The following FUBP3 variants were observed in gnomAD, a reference collection of about 807,000 sequenced individuals.
The protein encoded by FUBP3 is far upstream element-binding protein 3.
FUBP3 carries 28 observed loss-of-function variants against 85.6 expected under a neutral mutation model. That is an observed-to-expected ratio of 0.33 (90% CI 0.24 to 0.45). The LOEUF is 0.45. Among genes scored for constraint, FUBP3 ranks in the 20% least tolerant of loss-of-function variants. The pLI is 1.00. For synonymous variants in FUBP3, 271 were observed against 271.4 expected, an observed-to-expected ratio of 1.00 and a Z score of 0.01; for missense variants, 583 against 755.1, an observed-to-expected ratio of 0.77 and a Z score of 2.67.
At position 130,620,347 on chromosome 9, in the gene FUBP3, T is replaced by C. The variant is rs750141979; in HGVS notation, c.667-7T>C. On this transcript the variant is annotated splice_polypyrimidine_tract_variant and splice_region_variant and intron_variant, in intron 8 of 18. Transcript: ENST00000319725. The stretch of plus-strand genomic sequence containing the variant: ...TCTCATAATGCTTTTTGTTTGTGTT[T>C]ATGCAGCAAGCAAGAGAAATGGTAC... 29 of 1,522,230 alleles carry C rather than the reference T, an allele frequency of 1.9e-5. No individual in the cohort carries two copies. In the Admixed American group the frequency reaches 4.9e-4, roughly 26 times the overall value. The allele number at this position is 1,522,230 out of a possible 1,614,324, so 94.3% of individuals were successfully genotyped here. A position where few individuals can be genotyped will look rare whatever the true frequency, so the allele number is the denominator to read the frequency against.
Position 130,579,600 on chromosome 9 carries a change from G to A in FUBP3, c.-81G>A. ...TCCTTTTCCGGCTACGGGTCCCCAA[G>A]CGGAGCGGGAGGCCGGACCGGGGAG... is the stretch of plus-strand genomic sequence containing the variant. On this transcript the variant is annotated 5_prime_UTR_variant, in exon 1 of 19. Transcript: ENST00000319725. 1.1e-6 allele frequency: 1 copy of A among 888,400 alleles called. No individual in the cohort carries two copies. Among genetic ancestry groups the A allele is most frequent in the East Asian group, 3.5e-5 (1 of 28,860 alleles). The allele number at this position is 888,400 out of a possible 1,614,324, so 55.0% of individuals were successfully genotyped here.
At chr9:130,603,621 G>A (rs572124606) in intron 2 of FUBP3, among the ~76,000 whole-genome samples, 1 of 152,194 alleles carries the variant, frequency 6.6e-6, no homozygotes, top group Non-Finnish European at 1.5e-5. Flanking sequence ...TGGACAGTTG[G>A]CTTAGCCAGC....
chr9:130,586,901 C>CA (rs1409148219), intron 1 of FUBP3, among the ~76,000 whole-genome samples: 6 of 151,962 alleles, frequency 3.9e-5, no homozygotes, highest in African/African-American at 1.2e-4. Flanking sequence ...AGGTGCCTGC[C>CA]ACCACACCTG....
intron 2 of FUBP3, among the ~76,000 whole-genome samples, chr9:130,603,997 C>T (rs1831297232): frequency 6.6e-6 from 1 of 152,186 alleles, no homozygotes; most frequent in Non-Finnish European, 1.5e-5. Context: ...ACGTGTCCTT[C>T]AACTGATGAA....
At chr9:130,593,956 G>A (rs1204128107) in intron 1 of FUBP3, among the ~76,000 whole-genome samples, 1 of 152,190 alleles carries the variant, frequency 6.6e-6, no homozygotes, top group Non-Finnish European at 1.5e-5. Context: ...TCCTTTCACT[G>A]ATAATAAATA....
At chr9:130,610,585 G>A (rs1256258903) in intron 3 of FUBP3, among the ~76,000 whole-genome samples, 3 of 152,212 alleles carry the variant, frequency 2.0e-5, no homozygotes, top group Admixed American at 6.5e-5. Context: ...GTTTTACAAA[G>A]GCCAATCTGT....
In FUBP3 at chr9:130,579,769, G is replaced by C. The variant is rs1830050148; in HGVS notation, c.84+5G>C. The C allele has an allele frequency of 7.9e-7, 1 of 1,272,874 alleles. No homozygotes were observed. Among genetic ancestry groups the C allele is most frequent in the Admixed American group, 3.5e-5 (1 of 28,432 alleles). 78.8% of individuals were successfully genotyped at this position (1,272,874 alleles called of 1,614,324 possible). Reference sequence around the variant, plus strand: ...GCCCTGCACCGGGTCCGGCAGGTACGGGCGCAGCCGGCTGGCAGGAGCACG... The same window carrying C: ...GCCCTGCACCGGGTCCGGCAGGTACCGGCGCAGCCGGCTGGCAGGAGCACG... On this transcript the variant is annotated splice_donor_5th_base_variant and intron_variant, in intron 1 of 18. Transcript: ENST00000319725.
intron 5 of FUBP3, among the ~76,000 whole-genome samples, chr9:130,613,544 G>A (rs1831857586): frequency 6.6e-6 from 1 of 152,184 alleles, no homozygotes; most frequent in African/African-American, 2.4e-5. Context: ...GAGATGGAGT[G>A]AAGAACAATT....
intron 17 of FUBP3, 96 bp downstream of exon 17, chr9:130,634,834 T>TG: frequency 1.1e-6 from 1 of 902,892 alleles, no homozygotes; most frequent in South Asian, 1.5e-5. Flanking sequence ...TTTTCCCTAA[T>TG]GCCTTCCCTG....
rs769232497 is a variant in FUBP3, at chr9:130,631,596, C to A, written c.1318C>A (p.Pro440Thr). 2 of 1,614,000 alleles carry A rather than the reference C, an allele frequency of 1.2e-6. No homozygotes were observed. Among genetic ancestry groups the A allele is most frequent in the South Asian group, 2.2e-5 (2 of 91,080 alleles). ...AGCACCTGGAGCCTTCGGACAGAGT[C>A]CATTCAGCCAGCCACCTGCCCCACC... ...LGAPGAFGQSPFSQPPAPPHQ... is the reference protein window; with the variant it reads ...LGAPGAFGQSTFSQPPAPPHQ... The change falls in exon 14 of 19, where the codon CCA becomes ACA. Residue 440 changes from proline to threonine, a missense_variant. Physicochemically the swap from Pro to Thr is conservative, Grantham distance 38 (BLOSUM62 -1). Around this residue, in one of 3 missense-constraint regions of FUBP3, gnomAD observed 404 missense variants for 516.8 expected, o/e 0.78. Transcript: ENST00000319725.
chr9:130,628,104 G>GCACACACA (rs71499253), intron 12 of FUBP3, among the ~76,000 whole-genome samples: 6 of 149,062 alleles, frequency 4.0e-5, no homozygotes, highest in South Asian at 2.2e-4. Context: ...GCACGCACGC[G>GCACACACA]CACACACACA....
At chr9:130,589,701 A>ATTC (rs1416100381) in intron 1 of FUBP3, among the ~76,000 whole-genome samples, 2 of 28,036 alleles carry the variant, frequency 7.1e-5, no homozygotes, top group African/African-American at 4.1e-4. Context: ...ATATATATAT[A>ATTC]TATATTTTTT....
rs1476955177 is a variant in FUBP3, at chr9:130,612,963, C to T, written c.282C>T (p.Gly94=). 1.2e-6 allele frequency: 2 copies of T among 1,610,484 alleles called. No individual in the cohort carries two copies. The highest frequency in any genetic ancestry group is 1.1e-5 in the South Asian group (1 of 91,018). The stretch of plus-strand genomic sequence containing the variant: ...CTGTTCAATTTGTTTCAGTTATCGG[C>T]AGGGGAGGTGAGCAGATTTCACGGA... ...VPDKMVGFII[G]RGGEQISRIQ... Residue 94 remains glycine, a synonymous_variant, in exon 5 of 19, where the codon GGC becomes GGT. Transcript: ENST00000319725. The surrounding 1 kb of genome is among the most constrained non-coding windows in gnomAD (Gnocchi z 4.1).
intron 8 of FUBP3, among the ~76,000 whole-genome samples, chr9:130,618,456 T>C (rs1832121994): frequency 6.6e-6 from 1 of 152,226 alleles, no homozygotes; most frequent in Non-Finnish European, 1.5e-5. Flanking sequence ...TCAGAGCAAG[T>C]GTCCTGCGCC....
chr9:130,589,727 TTAAGA>T, intron 1 of FUBP3, among the ~76,000 whole-genome samples: 19 of 116,964 alleles, frequency 1.6e-4, no homozygotes, highest in Non-Finnish European at 3.1e-4. Context: ...TTTTTTTTTT[TTAAGA>T]GACAGGGTCT....
intron 2 of FUBP3, among the ~76,000 whole-genome samples, chr9:130,598,280 T>G (rs779856099): frequency 1.3e-5 from 2 of 152,250 alleles, no homozygotes; most frequent in Non-Finnish European, 2.9e-5. Flanking sequence ...GTATTCCTTA[T>G]GCAGAGGACG....
chr9:130,616,540 G>A lies in FUBP3; in HGVS notation c.567+23G>A, dbSNP rs775501919. 1.2e-6 allele frequency: 2 copies of A among 1,612,168 alleles called. No homozygotes were observed. The highest frequency in any genetic ancestry group is 1.7e-6 in the Non-Finnish European group (2 of 1,178,504). ...CAGGTGTGTGAGCCCGGAGCACGGA[G>A]CACAGCGGCCGCTCGCAGCAGGTCT... On this transcript the variant is annotated intron_variant, in intron 7 of 18. Transcript: ENST00000319725. This position sits in a 1 kb window ranked among gnomAD's most constrained non-coding sequence, Gnocchi z 4.7.
intron 11 of FUBP3, among the ~76,000 whole-genome samples, chr9:130,624,108 AT>A (rs1829868340): frequency 6.6e-6 from 1 of 152,190 alleles, no homozygotes; most frequent in Admixed American, 6.5e-5. Flanking sequence ...CATGCACTTG[AT>A]TTCATGCACA....
chr9:130,580,246 G>C (rs759935494), intron 1 of FUBP3, among the ~76,000 whole-genome samples: 1 of 152,242 alleles, frequency 6.6e-6, no homozygotes, highest in Non-Finnish European at 1.5e-5. Flanking sequence ...GCTCTTTGGA[G>C]AGGTGAGAGA....
Sources: gnomAD v4.1 joint callset for allele counts (sites outside exome capture counted in the v4.1 genomes callset) on GRCh38, gnomAD v4.1.1 for gene constraint, gnomAD v4.1.1 regional missense constraint, Gnocchi (gnomAD v3.1) non-coding constraint, MANE v1.5 for transcripts, NCBI Gene and HGNC (gene_info 2026-07-23, HGNC 2026-07-21) for gene names.